Variants in LY86 observed in about 807,000 individuals in gnomAD.
LY86 encodes the protein lymphocyte antigen 86.
In LY86, 20 loss-of-function variants were observed where a neutral mutation model predicts 17.3. The observed-to-expected ratio is 1.15, with a 90% CI of 0.81 to 1.68. The LOEUF (loss-of-function observed/expected upper bound fraction) is 1.68, where lower values mean the gene tolerates loss of function less well. Among genes scored for constraint, LY86 ranks in the 40% most tolerant of loss-of-function variants. LY86 has a pLI of 0.00. For missense variants in LY86, 200 were observed against 191.9 expected, an observed-to-expected ratio of 1.04 and a Z score of -0.25; for synonymous variants, 74 against 70.6, an observed-to-expected ratio of 1.05 and a Z score of -0.24.
intron 1 of LY86, among the ~76,000 whole-genome samples, chr6:6,600,685 G>GCT (rs1484511968): frequency 3.3e-5 from 5 of 150,094 alleles, no homozygotes; most frequent in Non-Finnish European, 7.4e-5. Flanking sequence ...GCCAGGGCCT[G>GCT]CTTCTGGTCT....
At chr6:6,646,191 C>T (rs762761626) in intron 3 of LY86, among the ~76,000 whole-genome samples, 6 of 152,080 alleles carry the variant, frequency 3.9e-5, no homozygotes, top group Non-Finnish European at 7.4e-5. Context: ...TATATGTAAC[C>T]ACATATTAGT....
At chr6:6,590,106 G>C (rs10080343) in intron 1 of LY86, among the ~76,000 whole-genome samples, 1 of 129,356 alleles carries the variant, frequency 7.7e-6, no homozygotes, top group Non-Finnish European at 1.5e-5. Context: ...CAAGAGGAGC[G>C]AAACTCTGTC....
At chr6:6,652,218 A>G (rs1762197858) in intron 4 of LY86, among the ~76,000 whole-genome samples, 1 of 152,192 alleles carries the variant, frequency 6.6e-6, no homozygotes, top group South Asian at 2.1e-4. Flanking sequence ...TCGCATGTAC[A>G]GCAGAGAGAG....
chr6:6,652,020 C>A (rs924649618), intron 4 of LY86, among the ~76,000 whole-genome samples: 1 of 133,794 alleles, frequency 7.5e-6, no homozygotes, highest in African/African-American at 2.9e-5. Context: ...CACACCACTG[C>A]ACTCCAGCCT....
At chr6:6,638,568 G>A (rs1761992755) in intron 3 of LY86, among the ~76,000 whole-genome samples, 1 of 152,112 alleles carries the variant, frequency 6.6e-6, no homozygotes, top group Admixed American at 6.5e-5. Flanking sequence ...GGTGACTACT[G>A]TATTTGATGG....
chr6:6,598,157 A>G (rs1190215132), intron 1 of LY86, among the ~76,000 whole-genome samples: 1 of 152,250 alleles, frequency 6.6e-6, no homozygotes, highest in Non-Finnish European at 1.5e-5. Flanking sequence ...AATTTAACAA[A>G]TTAATTTTTG....
intron 3 of LY86, among the ~76,000 whole-genome samples, chr6:6,646,305 C>G (rs544653103): frequency 6.6e-6 from 1 of 152,294 alleles, no homozygotes; most frequent in South Asian, 2.1e-4. Flanking sequence ...TGGACGTGTG[C>G]TCTTAGCCAC....
intron 1 of LY86, among the ~76,000 whole-genome samples, chr6:6,613,455 C>T (rs1281867009): frequency 6.6e-6 from 1 of 152,216 alleles, no homozygotes; most frequent in Non-Finnish European, 1.5e-5. Context: ...CAGCCAAGGC[C>T]CGGTGAGAAA....
chr6:6,640,303 A>G (rs1346391577), intron 3 of LY86, among the ~76,000 whole-genome samples: 1 of 151,932 alleles, frequency 6.6e-6, no homozygotes, highest in Non-Finnish European at 1.5e-5. Flanking sequence ...CACACCTGTA[A>G]TCCCAGCACT....
chr6:6,644,898 C>G (rs1235774650), intron 3 of LY86, among the ~76,000 whole-genome samples: 2 of 151,716 alleles, frequency 1.3e-5, no homozygotes, highest in African/African-American at 4.8e-5. Context: ...GTTGTTTTAT[C>G]AGGTTAAAAA....
rs186597663 is a variant in LY86, at chr6:6,643,145, G to A, written c.353-6480G>A. Among the ~76,000 whole-genome samples the A allele has an allele frequency of 2.6e-5, 4 of 152,316 alleles. No individual in the cohort carries two copies. In the East Asian group the frequency reaches 7.7e-4, roughly 29 times the overall value. On this transcript the variant is annotated intron_variant, in intron 3 of 4. Coordinates refer to ENST00000230568, the MANE Select transcript of LY86 (RefSeq NM_004271.4). The stretch of plus-strand genomic sequence containing the variant: ...AGAAGTGGGATTGCTGAATCATATG[G>A]AAGTTCTATTTTTAATTTTTTGAGG...
chr6:6,654,219 G>A (rs1207682127), intron 4 of LY86, among the ~76,000 whole-genome samples: 1 of 152,236 alleles, frequency 6.6e-6, no homozygotes, highest in Non-Finnish European at 1.5e-5. Flanking sequence ...CGTCTCAGCA[G>A]GGCCTCCTTT....
chr6:6,630,999 T>G (rs1173773883), intron 3 of LY86, among the ~76,000 whole-genome samples: 4 of 152,134 alleles, frequency 2.6e-5, no homozygotes, highest in Admixed American at 2.0e-4. Flanking sequence ...TTATCAATGA[T>G]AAGATATTAA....
In LY86 at chr6:6,606,354, G is replaced by T. The variant is rs558510683; in HGVS notation, c.136+17484G>T. 2.0e-5 allele frequency among the ~76,000 whole-genome samples: 3 copies of T among 152,254 alleles called. No homozygotes were observed. In the South Asian group the frequency reaches 6.2e-4, roughly 32 times the overall value. On this transcript the variant is annotated intron_variant, in intron 1 of 4. Coordinates refer to ENST00000230568, the MANE Select transcript of LY86 (RefSeq NM_004271.4). Reference sequence around the variant, plus strand: ...GATTGGTGTATTTACAATCCCTTAGGTAGACATAAAGGTTCTCCAAGTCCC... The same window carrying T: ...GATTGGTGTATTTACAATCCCTTAGTTAGACATAAAGGTTCTCCAAGTCCC...
intron 1 of LY86, among the ~76,000 whole-genome samples, chr6:6,621,899 C>A (rs965509709): frequency 1.3e-5 from 2 of 151,728 alleles, no homozygotes; most frequent in Non-Finnish European, 2.9e-5. Context: ...ATAAAACATG[C>A]AAAGTGCCTG....
At chr6:6,611,208 CGT>C (rs1761322549) in intron 1 of LY86, among the ~76,000 whole-genome samples, 1 of 152,142 alleles carries the variant, frequency 6.6e-6, no homozygotes, top group Admixed American at 6.5e-5. Context: ...TGTTGACAAA[CGT>C]GAAGTTCCCA....
chr6:6,622,834 T>C (rs182148336), intron 1 of LY86: 1 of 152,346 alleles, frequency 6.6e-6, no homozygotes, highest in East Asian at 1.9e-4. Context: ...CACAAAATAT[T>C]CTGGGCAATC....
At chr6:6,596,022 C>T (rs942177975) in intron 1 of LY86, among the ~76,000 whole-genome samples, 2 of 152,176 alleles carry the variant, frequency 1.3e-5, no homozygotes, top group African/African-American at 4.8e-5. Flanking sequence ...AGACAGTTGG[C>T]CTTTAAGTCC....
intron 1 of LY86, among the ~76,000 whole-genome samples, chr6:6,590,183 G>A (rs1581226151): frequency 1.4e-5 from 2 of 144,420 alleles, no homozygotes; most frequent in East Asian, 4.3e-4. Flanking sequence ...AGATACCGTA[G>A]TCCCCCCCCA....
Sources: allele counts gnomAD v4.1 joint callset (sites outside exome capture counted in the v4.1 genomes callset), GRCh38; gene constraint gnomAD v4.1.1; transcripts MANE v1.5; gene names NCBI Gene and HGNC (gene_info 2026-07-23, HGNC 2026-07-21).